PCDHGB3: variants seen among roughly 807,000 people sequenced by gnomAD.
PCDHGB3 encodes the protein protocadherin gamma subfamily B, 3, also known as protocadherin gamma-B3.
Under a neutral mutation model 59.2 loss-of-function variants are expected in PCDHGB3, and 40 were observed. That is an observed-to-expected ratio of 0.68 (90% CI 0.52 to 0.88). PCDHGB3 has a LOEUF of 0.88. Ranked by LOEUF, PCDHGB3 falls within the 40% of genes least tolerant of loss-of-function variation. PCDHGB3 has a pLI of 0.00. For missense variants in PCDHGB3, 1,309 were observed against 1,187.9 expected, an observed-to-expected ratio of 1.10 and a Z score of -1.50; for synonymous variants, 581 against 503.6, an observed-to-expected ratio of 1.15 and a Z score of -2.06.
At chr5:141,464,343 A>T (rs944042669) in intron 1 of PCDHGB3, among the ~76,000 whole-genome samples, 1 of 151,308 alleles carries the variant, frequency 6.6e-6, no homozygotes, top group South Asian at 2.1e-4. Flanking sequence ...ATGACTTGTC[A>T]TTTAGGTAGT....
At chr5:141,399,942 G>T (rs780939486) in intron 1 of PCDHGB3, 2 of 1,612,258 alleles carry the variant, frequency 1.2e-6, no homozygotes, top group Admixed American at 3.3e-5. Flanking sequence ...ACCACGTGCT[G>T]CAGGCTAGCG....
In PCDHGB3 at chr5:141,491,534, G is replaced by A. The variant is rs376996144; in HGVS notation, c.2416-3273G>A. On this transcript the variant is annotated intron_variant, in intron 1 of 3. Coordinates refer to ENST00000576222, the MANE Select transcript of PCDHGB3 (RefSeq NM_018924.5). This position sits in a 1 kb window ranked among gnomAD's most constrained non-coding sequence, Gnocchi z 6.9. The stretch of plus-strand genomic sequence containing the variant: ...CTCAAGTACATGGAGGTGACGCTGC[G>A]GCCCACAGACTCGCAGAGCCACTGC... The A allele has an allele frequency of 6.2e-7, 1 of 1,614,030 alleles. No homozygotes were observed. The highest frequency in any genetic ancestry group is 8.5e-7 in the Non-Finnish European group (1 of 1,180,028).
At chr5:141,465,466 C>T (rs1280373152) in intron 1 of PCDHGB3, among the ~76,000 whole-genome samples, 1 of 152,156 alleles carries the variant, frequency 6.6e-6, no homozygotes, top group African/African-American at 2.4e-5. Flanking sequence ...ACCAAATTGC[C>T]CTTGCTTCAT....
chr5:141,398,051 C>T, intron 1 of PCDHGB3: 1 of 1,512,220 alleles, frequency 6.6e-7, no homozygotes, highest in Non-Finnish European at 8.9e-7. Flanking sequence ...GTTCGGAGAT[C>T]CAAAAATCTA....
At position 141,408,680 on chromosome 5, in the gene PCDHGB3, C is replaced by G. The variant is rs774572788; in HGVS notation, c.2415+35871C>G. 1.5e-4 allele frequency: 245 copies of G among 1,613,812 alleles called. No homozygotes were observed. Among genetic ancestry groups the G allele is most frequent in the Non-Finnish European group, 1.9e-4 (222 of 1,179,872 alleles). On this transcript the variant is annotated intron_variant, in intron 1 of 3. Coordinates refer to ENST00000576222, the MANE Select transcript of PCDHGB3 (RefSeq NM_018924.5). ...ACTATCGCTTGACCCTGCCACGGAT[C>G]CTGATATAAACATAAACTCAATTAA...
At position 141,476,602 on chromosome 5, in the gene PCDHGB3, C is replaced by T; in HGVS notation, c.2416-18205C>T. 6.2e-7 allele frequency: 1 copy of T among 1,614,208 alleles called. No homozygotes were observed. Among genetic ancestry groups the T allele is most frequent in the Middle Eastern group, 1.6e-4 (1 of 6,062 alleles). Reference sequence around the variant, plus strand: ...TTCCGCTCGAGAGCGCGCACGATCCCGATGTGGGAAGCAACTCTTTACAAA... The same window carrying T: ...TTCCGCTCGAGAGCGCGCACGATCCTGATGTGGGAAGCAACTCTTTACAAA... On this transcript the variant is annotated intron_variant, in intron 1 of 3. Coordinates refer to ENST00000576222, the MANE Select transcript of PCDHGB3 (RefSeq NM_018924.5). The surrounding 1 kb of genome is among the most constrained non-coding windows in gnomAD (Gnocchi z 7.6).
At chr5:141,376,051 C>T in intron 1 of PCDHGB3, 1 of 1,613,344 alleles carries the variant, frequency 6.2e-7, no homozygotes, top group South Asian at 1.1e-5. Context: ...CTCTCTCCGC[C>T]ACTGTCACGC....
intron 1 of PCDHGB3, chr5:141,376,162 G>A (rs1480360111): frequency 1.2e-6 from 2 of 1,614,084 alleles, no homozygotes; most frequent in African/African-American, 1.3e-5. Flanking sequence ...CTCTGTACCT[G>A]GTGGTGGCGG....
At chr5:141,415,562 CT>C in intron 1 of PCDHGB3, 3 of 1,613,960 alleles carry the variant, frequency 1.9e-6, no homozygotes, top group Non-Finnish European at 1.7e-6. Context: ...GATCCTTTGT[CT>C]TTGTTAGATG....
chr5:141,423,760 G>GT, intron 1 of PCDHGB3: 1 of 279,664 alleles, frequency 3.6e-6, no homozygotes, highest in Non-Finnish European at 5.3e-6. Flanking sequence ...TGGGGGGGGG[G>GT]TGGGGCGGCA....
chr5:141,389,361 G>T (rs1460945767), intron 1 of PCDHGB3: 1 of 1,613,880 alleles, frequency 6.2e-7, no homozygotes, highest in South Asian at 1.1e-5. Context: ...CATGGCCAGT[G>T]ACCTGGAGCA....
chr5:141,508,550 G>T (rs1440375100), intron 3 of PCDHGB3, among the ~76,000 whole-genome samples: 3 of 152,138 alleles, frequency 2.0e-5, no homozygotes, highest in Non-Finnish European at 1.5e-5. Flanking sequence ...GGTGGGCGGG[G>T]GATGGCTTTG....
At chr5:141,399,053 A>G (rs2093744168) in intron 1 of PCDHGB3, 2 of 1,613,630 alleles carry the variant, frequency 1.2e-6, no homozygotes, top group East Asian at 2.2e-5. Context: ...GAAGAGACCA[A>G]GGAATATTCA....
chr5:141,389,935 C>A, intron 1 of PCDHGB3: 1 of 1,614,084 alleles, frequency 6.2e-7, no homozygotes, highest in Non-Finnish European at 8.5e-7. Flanking sequence ...GACCTCCAGG[C>A]TGAGCTGCAG....
In PCDHGB3 at chr5:141,432,361, G is replaced by A; in HGVS notation, c.2415+59552G>A. 1 of 1,614,230 alleles carries A rather than the reference G, an allele frequency of 6.2e-7. No individual in the cohort carries two copies. Among genetic ancestry groups the A allele is most frequent in the Non-Finnish European group, 8.5e-7 (1 of 1,180,050 alleles). On this transcript the variant is annotated intron_variant, in intron 1 of 3. Coordinates refer to ENST00000576222, the MANE Select transcript of PCDHGB3 (RefSeq NM_018924.5). The surrounding 1 kb of genome is among the most constrained non-coding windows in gnomAD (Gnocchi z 6.0). Reference sequence around the variant, plus strand: ...GAGACTTGCAAGTGAAAGTGATGGCGCGGGACAACGGGCACCCGCCCCTCA... The same window carrying A: ...GAGACTTGCAAGTGAAAGTGATGGCACGGGACAACGGGCACCCGCCCCTCA...
rs950164698 is a variant in PCDHGB3, at chr5:141,423,459, G to A, written c.2415+50650G>A. ...TGCCCACGTCACATTTTGTAGGCGT[G>A]GACGGGGTACAGGCTTTCCTGCAAA... On this transcript the variant is annotated intron_variant, in intron 1 of 3. Coordinates refer to ENST00000576222, the MANE Select transcript of PCDHGB3 (RefSeq NM_018924.5). 4.3e-6 allele frequency: 7 copies of A among 1,614,006 alleles called. No individual in the cohort carries two copies. In the South Asian group the frequency reaches 6.6e-5, roughly 15 times the overall value.
intron 1 of PCDHGB3, chr5:141,394,343 C>T: frequency 1.2e-6 from 2 of 1,614,158 alleles, no homozygotes; most frequent in African/African-American, 1.3e-5. Context: ...TCAACTCTGA[C>T]ACCGGTGTCC....
chr5:141,398,858 G>C, intron 1 of PCDHGB3: 2 of 1,613,986 alleles, frequency 1.2e-6, no homozygotes, highest in Non-Finnish European at 1.7e-6. Flanking sequence ...GTATTCAACC[G>C]AGACGTGTAC....
chr5:141,423,358 G>T (rs202010010), intron 1 of PCDHGB3: 1 of 1,614,196 alleles, frequency 6.2e-7, no homozygotes, highest in South Asian at 1.1e-5. Flanking sequence ...CTTTGTCATC[G>T]TGCTGCTGGC....
Sources: allele counts gnomAD v4.1 joint callset (sites outside exome capture counted in the v4.1 genomes callset), GRCh38; gene constraint gnomAD v4.1.1; non-coding constraint Gnocchi (gnomAD v3.1); transcripts MANE v1.5; gene names NCBI Gene and HGNC (gene_info 2026-07-23, HGNC 2026-07-21).